Variants in FBXO38 observed in about 807,000 individuals in gnomAD.
FBXO38 encodes the protein F-box only protein 38.
Under a neutral mutation model 131.9 loss-of-function variants are expected in FBXO38, and 53 were observed. The ratio of observed to expected loss-of-function variants is 0.40; its 90% CI spans 0.32 to 0.51. The LOEUF is 0.51. FBXO38 is among the 20% of genes least tolerant of loss of function. The pLI, the probability that FBXO38 is intolerant of heterozygous loss-of-function variation, is 0.53. For synonymous variants in FBXO38, 452 were observed against 505.6 expected (o/e 0.89, Z 1.42); for missense variants, 1,076 against 1,475.6 (o/e 0.73, Z 4.44).
At chr5:148,423,004 A>G (rs1363832750) in intron 12 of FBXO38, among the ~76,000 whole-genome samples, 3 of 152,062 alleles carry the variant, frequency 2.0e-5, no homozygotes, top group Non-Finnish European at 4.4e-5. Flanking sequence ...CTGGACTACT[A>G]TTCTTCCAAA....
intron 9 of FBXO38, 27 bp downstream of exon 9, chr5:148,410,792 A>C (rs1002805347): frequency 1.3e-6 from 2 of 1,571,660 alleles, no homozygotes; most frequent in Non-Finnish European, 8.6e-7. Flanking sequence ...TTTAATTCCT[A>C]GAATTACTGT....
At position 148,408,626 on chromosome 5, in the gene FBXO38, CT is replaced by C. The variant is rs761162175; in HGVS notation, c.869-495del. 1.4e-4 allele frequency among the ~76,000 whole-genome samples: 22 copies of C among 152,164 alleles called. 1 individual carries two copies. Among genetic ancestry groups the C allele is most frequent in the Non-Finnish European group, 2.6e-4 (18 of 68,028 alleles). ...GAAGCCAGACACAAAAGTATACAAA[CT>C]TTGTGATTTTATTTATACAAATTTA... On this transcript the variant is annotated intron_variant, in intron 7 of 21. Coordinates refer to ENST00000340253, the MANE Select transcript of FBXO38 (RefSeq NM_205836.3).
intron 1 of FBXO38, among the ~76,000 whole-genome samples, chr5:148,384,571 A>G (rs976676079): frequency 6.6e-6 from 1 of 152,194 alleles, no homozygotes; most frequent in African/African-American, 2.4e-5. Flanking sequence ...GTCTAGGTCC[A>G]TTAGCTTTTC....
At chr5:148,436,836 C>G (rs1221781490) in intron 17 of FBXO38, among the ~76,000 whole-genome samples, 1 of 152,180 alleles carries the variant, frequency 6.6e-6, no homozygotes, top group Non-Finnish European at 1.5e-5. Flanking sequence ...GTCTTTGGTC[C>G]TAAAACATCT....
At chr5:148,441,038 A>G in intron 20 of FBXO38, 86 bp from the exon 21 acceptor site, 1 of 874,874 alleles carries the variant, frequency 1.1e-6, no homozygotes, top group Non-Finnish European at 2.0e-6. Context: ...TTTATTTTAT[A>G]TTTTACATTC....
chr5:148,427,909 G>A lies in FBXO38; in HGVS notation c.2615G>A (p.Arg872Lys). 6.5e-7 allele frequency: 1 copy of A among 1,534,758 alleles called. No homozygotes were observed. Among genetic ancestry groups the A allele is most frequent in the South Asian group, 1.3e-5 (1 of 76,790 alleles). The change falls in exon 15 of 22, where the codon AGG becomes AAG. Residue 872 changes from arginine to lysine, a missense_variant. By Grantham distance (26) the Arg-to-Lys change is conservative (BLOSUM62 2). Around this residue, in one of 8 missense-constraint regions of FBXO38, gnomAD observed 282 missense variants for 418.8 expected, o/e 0.67. Transcript: ENST00000340253. ...DYPRRPLTRARSRLSHVLLVS... is the reference protein window; with the variant it reads ...DYPRRPLTRAKSRLSHVLLVS... ...CCTCGGAGGCCCCTAACCAGGGCCAGGAGCAGACTGTCCCATGTACTGCTG... is the reference window on the plus strand; with the variant it reads ...CCTCGGAGGCCCCTAACCAGGGCCAAGAGCAGACTGTCCCATGTACTGCTG...
chr5:148,432,995 G>A (rs1754122139), intron 15 of FBXO38, among the ~76,000 whole-genome samples: 1 of 152,208 alleles, frequency 6.6e-6, no homozygotes, highest in African/African-American at 2.4e-5. Flanking sequence ...AGTGGGAGAT[G>A]ACTAGAGTAT....
At chr5:148,428,159 A>G (rs1163539517) in intron 15 of FBXO38, among the ~76,000 whole-genome samples, 1 of 152,224 alleles carries the variant, frequency 6.6e-6, no homozygotes. Flanking sequence ...GGAAAGCTCA[A>G]AATAGTTCAG....
At position 148,409,113 on chromosome 5, in the gene FBXO38, C is replaced by T. The variant is rs1357841210; in HGVS notation, c.869-11C>T. On this transcript the variant is annotated splice_polypyrimidine_tract_variant and intron_variant, in intron 7 of 21. Coordinates refer to ENST00000340253, the MANE Select transcript of FBXO38 (RefSeq NM_205836.3). ...TATGGTCAAACACTTGTTTTTGTTC[C>T]TCGTCTTTAGGTGGTTTTAGAAATT... is the stretch of plus-strand genomic sequence containing the variant. 1.9e-6 allele frequency: 3 copies of T among 1,558,658 alleles called. No individual in the cohort carries two copies. The highest frequency in any genetic ancestry group is 2.7e-6 in the Non-Finnish European group (3 of 1,129,976).
intron 5 of FBXO38, among the ~76,000 whole-genome samples, chr5:148,404,305 T>G (rs1434985073): frequency 6.6e-6 from 1 of 152,190 alleles, no homozygotes; most frequent in Non-Finnish European, 1.5e-5. Flanking sequence ...ATAGTAAATT[T>G]GTGTGTTCCA....
At chr5:148,421,927 C>T (rs576266347) in intron 12 of FBXO38, among the ~76,000 whole-genome samples, 58 of 152,260 alleles carry the variant, frequency 3.8e-4, no homozygotes, top group Middle Eastern at 3.4e-3. Flanking sequence ...TCTTTACTTC[C>T]TACCTGCTCT....
chr5:148,402,057 G>A lies in FBXO38; in HGVS notation c.338G>A (p.Arg113Gln), dbSNP rs1201701262. The A allele has an allele frequency of 1.1e-5, 17 of 1,613,474 alleles. No homozygotes were observed. Among genetic ancestry groups the A allele is most frequent in the Non-Finnish European group, 1.4e-5 (17 of 1,179,640 alleles). Residue 113 changes from arginine (R) to glutamine (Q), a missense_variant, in exon 4 of 22, where the codon CGA (arginine) becomes CAA (glutamine). This residue lies in a region of FBXO38 where 96 missense variants were observed against 193.9 expected (regional missense o/e 0.50). Coordinates refer to ENST00000340253, the MANE Select transcript of FBXO38 (RefSeq NM_205836.3). The part of the protein sequence containing the change: ...DVEQLYGLHP[R>Q]YLERRRVRGH... The stretch of plus-strand genomic sequence containing the variant: ...GAACAGCTATATGGCCTTCACCCTC[G>A]ATACCTTGAGAGGCGAAGAGTAAGG...
At chr5:148,428,862 A>G (rs571267943) in intron 15 of FBXO38, among the ~76,000 whole-genome samples, 1 of 152,250 alleles carries the variant, frequency 6.6e-6, no homozygotes, top group East Asian at 1.9e-4. Context: ...TCATTGAAAT[A>G]TATGAGTTTT....
intron 2 of FBXO38, among the ~76,000 whole-genome samples, chr5:148,396,410 A>C (rs988198266): frequency 6.6e-6 from 1 of 152,198 alleles, no homozygotes; most frequent in Non-Finnish European, 1.5e-5. Context: ...TATTCACATC[A>C]GTGAGGAAAA....
At chr5:148,429,398 G>A (rs760823056) in intron 15 of FBXO38, among the ~76,000 whole-genome samples, 5 of 150,878 alleles carry the variant, frequency 3.3e-5, no homozygotes, top group Admixed American at 2.0e-4. Context: ...GTCCATTCTC[G>A]TGCTATGATT....
At chr5:148,434,134 T>C (rs1754202513) in intron 17 of FBXO38, 1 of 153,568 alleles carries the variant, frequency 6.5e-6, no homozygotes, top group Non-Finnish European at 1.4e-5. Context: ...CTGTATTTGA[T>C]TGAGATGATT....
At chr5:148,405,825 T>C (rs562340449) in intron 6 of FBXO38, among the ~76,000 whole-genome samples, 13 of 152,228 alleles carry the variant, frequency 8.5e-5, no homozygotes, top group Non-Finnish European at 1.8e-4. Context: ...TAATTACTTA[T>C]GTTAGTTCTA....
chr5:148,419,547 C>G (rs1323925963), intron 12 of FBXO38, among the ~76,000 whole-genome samples: 1 of 152,124 alleles, frequency 6.6e-6, no homozygotes, highest in African/African-American at 2.4e-5. Context: ...TTCTTTGAAA[C>G]TGGTATTAAC....
At chr5:148,441,018 A>G in intron 20 of FBXO38, 106 bp from the exon 21 acceptor site, 1 of 767,012 alleles carries the variant, frequency 1.3e-6, no homozygotes, top group South Asian at 1.5e-5. Flanking sequence ...AGGACACCTG[A>G]CTCACTCTCT....
Sources: allele counts gnomAD v4.1 joint callset (sites outside exome capture counted in the v4.1 genomes callset), GRCh38; gene constraint gnomAD v4.1.1; regional missense constraint gnomAD v4.1.1; transcripts MANE v1.5; gene names NCBI Gene and HGNC (gene_info 2026-07-23, HGNC 2026-07-21).